MAST4: variants seen among roughly 807,000 people sequenced by gnomAD.
MAST4 encodes microtubule-associated serine/threonine-protein kinase 4.
MAST4 carries 89 observed loss-of-function variants against 162.7 expected under a neutral mutation model. The ratio of observed to expected loss-of-function variants is 0.55; its 90% CI spans 0.46 to 0.65. The LOEUF (loss-of-function observed/expected upper bound fraction) is 0.65, where lower values mean the gene tolerates loss of function less well. MAST4 is among the 30% of genes least tolerant of loss of function. MAST4 has a pLI of 0.00. For missense variants in MAST4, 3,153 were observed against 3,374.0 expected, an observed-to-expected ratio of 0.93 and a Z score of 1.62; for synonymous variants, 1,479 against 1,361.1, an observed-to-expected ratio of 1.09 and a Z score of -1.91.
At chr5:66,684,352 C>G (rs1748505831) in intron 1 of MAST4, among the ~76,000 whole-genome samples, 1 of 49,508 alleles carries the variant, frequency 2.0e-5, no homozygotes, top group Non-Finnish European at 3.1e-5. Flanking sequence ...TCTTTTCTTC[C>G]AGCTATTTTT....
intron 2 of MAST4, among the ~76,000 whole-genome samples, chr5:66,786,646 C>G (rs902193905): frequency 6.6e-6 from 1 of 152,164 alleles, no homozygotes; most frequent in Non-Finnish European, 1.5e-5. Context: ...TGCTCTTCCT[C>G]ATTAATTACC....
Position 67,166,624 on chromosome 5 carries a change from C to T in MAST4, c.7445C>T (p.Thr2482Ile). 6.2e-7 allele frequency: 1 copy of T among 1,601,456 alleles called. No homozygotes were observed. ...VREASAASSD[T>I]SSAKAAGGML... ...GAGGCCTCTGCAGCCAGCAGCGACACCTCTTCTGCCAAGGCCGCCGGGGGC... is the reference window on the plus strand; with the variant it reads ...GAGGCCTCTGCAGCCAGCAGCGACATCTCTTCTGCCAAGGCCGCCGGGGGC... Residue 2482 changes from threonine to isoleucine, a missense_variant, in exon 29 of 29, where the codon ACC becomes ATC. This residue lies in a region of MAST4 where 1,644 missense variants were observed against 1,495.0 expected (regional missense o/e 1.10). Coordinates refer to ENST00000403625, the MANE Select transcript of MAST4 (RefSeq NM_001164664.2).
intron 4 of MAST4, among the ~76,000 whole-genome samples, chr5:66,977,131 G>T (rs1748244384): frequency 6.6e-6 from 1 of 152,014 alleles, no homozygotes; most frequent in Non-Finnish European, 1.5e-5. Context: ...ACAGAGTTTT[G>T]TTCTTTTTGC....
At chr5:66,759,893 A>C (rs371650845) in intron 2 of MAST4, 31 bp downstream of exon 2, 33 of 1,611,734 alleles carry the variant, frequency 2.0e-5, no homozygotes, top group Non-Finnish European at 2.5e-5. Context: ...TGAGAGAAGG[A>C]ATTGCATTTC....
chr5:66,725,326 G>A lies in MAST4; in HGVS notation c.364-34383G>A, dbSNP rs553662486. On this transcript the variant is annotated intron_variant, in intron 1 of 28. Transcript: ENST00000403625. ...AACACATGCATAGTTTATCCTTCTC[G>A]TTACATTTTTGATTTTTAAAATGAT... 1.5e-3 allele frequency among the ~76,000 whole-genome samples: 235 copies of A among 152,026 alleles called. 7 individuals carry two copies. The South Asian group carries it at 0.044, about 29-fold the overall frequency.
chr5:66,786,298 G>A (rs1164045495), intron 2 of MAST4, among the ~76,000 whole-genome samples: 3 of 149,086 alleles, frequency 2.0e-5, no homozygotes, highest in African/African-American at 7.4e-5. Context: ...TCTACGTTCA[G>A]TTTTCTTTAA....
chr5:67,052,437 G>A (rs1251170862), intron 4 of MAST4, among the ~76,000 whole-genome samples: 3 of 151,576 alleles, frequency 2.0e-5, no homozygotes, highest in African/African-American at 7.3e-5. Context: ...GAATTGTGAG[G>A]GTTTGTTGTT....
chr5:66,728,792 G>T (rs547499328), intron 1 of MAST4, among the ~76,000 whole-genome samples: 60 of 152,276 alleles, frequency 3.9e-4, no homozygotes, highest in African/African-American at 1.3e-3. Context: ...GGAAAACATG[G>T]CAAAGTCTCC....
At chr5:66,599,346 C>T (rs1367019315) in intron 1 of MAST4, among the ~76,000 whole-genome samples, 6 of 152,066 alleles carry the variant, frequency 3.9e-5, no homozygotes, top group African/African-American at 4.8e-5. Flanking sequence ...CCAGAGGATT[C>T]GGGAATGCTG....
intron 7 of MAST4, among the ~76,000 whole-genome samples, chr5:67,099,701 G>A (rs1449645950): frequency 6.6e-6 from 1 of 152,048 alleles, no homozygotes; most frequent in Non-Finnish European, 1.5e-5. Flanking sequence ...ATTAAAAGCA[G>A]GGTTATTTAG....
intron 5 of MAST4, among the ~76,000 whole-genome samples, chr5:67,061,391 G>T (rs535755024): frequency 6.6e-6 from 1 of 151,980 alleles, no homozygotes; most frequent in East Asian, 1.9e-4. Flanking sequence ...TTTTATCCTT[G>T]GTCCCTCTCT....
chr5:66,779,195 A>G (rs1366192832), intron 2 of MAST4, among the ~76,000 whole-genome samples: 1 of 152,214 alleles, frequency 6.6e-6, no homozygotes, highest in Non-Finnish European at 1.5e-5. Flanking sequence ...TTTCAGTCTT[A>G]CAGTCTTAAG....
At chr5:67,118,647 T>G (rs955281658) in intron 12 of MAST4, 35 bp from the exon 13 acceptor site, 2 of 1,336,356 alleles carry the variant, frequency 1.5e-6, no homozygotes, top group Admixed American at 2.1e-5. Context: ...TTGCAATATT[T>G]TTATTAAGCT....
At chr5:66,684,572 A>G (rs1294058121) in intron 1 of MAST4, among the ~76,000 whole-genome samples, 2 of 152,206 alleles carry the variant, frequency 1.3e-5, no homozygotes, top group Non-Finnish European at 2.9e-5. Flanking sequence ...TATATGTTTT[A>G]TACATACACA....
At chr5:66,740,768 G>A (rs147369705) in intron 1 of MAST4, among the ~76,000 whole-genome samples, 6 of 152,288 alleles carry the variant, frequency 3.9e-5, no homozygotes, top group Admixed American at 2.6e-4. Flanking sequence ...CTGTTGGTCT[G>A]TGGCTGGGTG....
At chr5:67,028,132 G>T (rs1396317464) in intron 4 of MAST4, among the ~76,000 whole-genome samples, 3 of 139,516 alleles carry the variant, frequency 2.2e-5, no homozygotes, top group African/African-American at 7.8e-5. Context: ...GCCATGCATG[G>T]TGGGGATTAT....
At chr5:66,968,831 T>C (rs1361137128) in intron 4 of MAST4, among the ~76,000 whole-genome samples, 1 of 152,232 alleles carries the variant, frequency 6.6e-6, no homozygotes, top group Non-Finnish European at 1.5e-5. Context: ...AAGTCATTGT[T>C]AATTAAAGTT....
chr5:66,788,598 C>T (rs1755227332), intron 2 of MAST4, 72 bp from the exon 3 acceptor site: 1 of 1,111,698 alleles, frequency 9.0e-7, no homozygotes, highest in Non-Finnish European at 1.3e-6. Context: ...GACACCCCAC[C>T]CCCACCCCCA....
At chr5:66,829,011 C>CTAT in intron 3 of MAST4, 1 of 786,428 alleles carries the variant, frequency 1.3e-6, no homozygotes, top group South Asian at 1.6e-5. Context: ...CATGGCAACG[C>CTAT]TATACGGAGT....
Sources: gnomAD v4.1 joint callset for allele counts (sites outside exome capture counted in the v4.1 genomes callset) on GRCh38, gnomAD v4.1.1 for gene constraint, gnomAD v4.1.1 regional missense constraint, MANE v1.5 for transcripts, NCBI Gene and HGNC (gene_info 2026-07-23, HGNC 2026-07-21) for gene names.